Variants in ST7 observed in about 807,000 individuals in gnomAD.
The protein encoded by ST7 is suppression of tumorigenicity 7.
A neutral mutation model predicts 78.7 loss-of-function variants in ST7; 28 were observed. That is an observed-to-expected ratio of 0.36 (90% CI 0.26 to 0.49). ST7 has a LOEUF of 0.49. ST7 is among the 20% of genes least tolerant of loss of function. ST7 has a pLI of 0.99. For missense variants in ST7, 418 were observed against 696.0 expected (o/e 0.60, Z 4.49); for synonymous variants, 247 against 249.6 (o/e 0.99, Z 0.10).
chr7:117,215,913 A>G lies in ST7; in HGVS notation c.1406-3171A>G, dbSNP rs146616441. Among the ~76,000 whole-genome samples the G allele has an allele frequency of 3.3e-5, 5 of 152,270 alleles. No individual in the cohort carries two copies. In the East Asian group the frequency reaches 7.7e-4, roughly 23 times the overall value. Reference sequence around the variant, plus strand: ...GGATTCAAACTCGGTTCCCTCTGTTACAAATAATCTGTATAAAATTATCTA... The same window carrying G: ...GGATTCAAACTCGGTTCCCTCTGTTGCAAATAATCTGTATAAAATTATCTA... On this transcript the variant is annotated intron_variant, in intron 13 of 15. Transcript: ENST00000323984.
At chr7:116,996,821 T>A (rs561320321) in intron 1 of ST7, among the ~76,000 whole-genome samples, 7 of 152,366 alleles carry the variant, frequency 4.6e-5, no homozygotes, top group African/African-American at 1.7e-4. Context: ...ATATAGCTGA[T>A]GTTTTTCAAA....
chr7:117,179,575 A>C (rs1029093693), intron 10 of ST7, among the ~76,000 whole-genome samples: 1 of 152,214 alleles, frequency 6.6e-6, no homozygotes, highest in Admixed American at 6.5e-5. Flanking sequence ...CAAGGAAAGC[A>C]TATGGAAATG....
intron 1 of ST7, among the ~76,000 whole-genome samples, chr7:117,087,565 T>C (rs928657926): frequency 6.6e-6 from 1 of 152,256 alleles, no homozygotes; most frequent in Admixed American, 6.5e-5. Flanking sequence ...AAAAAAGATA[T>C]GAGTTTTATT....
chr7:116,967,408 C>G (rs1347929034), intron 1 of ST7: 1 of 471,114 alleles, frequency 2.1e-6, no homozygotes, highest in African/African-American at 2.0e-5. Flanking sequence ...CTTACCAGTT[C>G]CTATTGTGGA....
chr7:117,192,278 G>C (rs544741640), intron 12 of ST7, among the ~76,000 whole-genome samples: 206 of 152,246 alleles, frequency 1.4e-3, no homozygotes, highest in African/African-American at 4.5e-3. Flanking sequence ...TCTCTACAGA[G>C]CTATTCAGTA....
At chr7:117,097,908 A>ATATATTTTTTTTTT in intron 1 of ST7, among the ~76,000 whole-genome samples, 2 of 30,020 alleles carry the variant, frequency 6.7e-5, no homozygotes, top group African/African-American at 1.6e-4. Flanking sequence ...ATATATATAT[A>ATATATTTTTTTTTT]TTTTTTTTTT....
chr7:117,094,504 C>T (rs1349547565), intron 1 of ST7, among the ~76,000 whole-genome samples: 1 of 152,248 alleles, frequency 6.6e-6, no homozygotes, highest in Non-Finnish European at 1.5e-5. Context: ...TTGCTTCTCT[C>T]ACCCATTGGA....
intron 9 of ST7, among the ~76,000 whole-genome samples, chr7:117,154,598 G>A (rs191987064): frequency 1.2e-4 from 19 of 152,302 alleles, no homozygotes; most frequent in Admixed American, 1.2e-3. Flanking sequence ...GAAAGGAGGT[G>A]AGTTAAGAGT....
intron 9 of ST7, 150 bp downstream of exon 9, chr7:117,138,682 GATGA>G (rs899890470): frequency 3.6e-5 from 19 of 533,204 alleles, no homozygotes; most frequent in Non-Finnish European, 5.8e-5. Flanking sequence ...CAATTTACTA[GATGA>G]ATGATGTATG....
intron 9 of ST7, among the ~76,000 whole-genome samples, chr7:117,147,575 T>G (rs1805905276): frequency 6.6e-6 from 1 of 152,072 alleles, no homozygotes; most frequent in Non-Finnish European, 1.5e-5. Context: ...TCATTTTGTA[T>G]TTTATTTGGC....
intron 12 of ST7, among the ~76,000 whole-genome samples, chr7:117,197,384 A>G (rs1810416873): frequency 1.3e-5 from 2 of 152,192 alleles, no homozygotes; most frequent in South Asian, 2.1e-4. Flanking sequence ...AACTTCTATA[A>G]TGAACCTCTT....
At chr7:117,050,696 C>T (rs925879006) in intron 1 of ST7, among the ~76,000 whole-genome samples, 6 of 152,018 alleles carry the variant, frequency 3.9e-5, no homozygotes, top group African/African-American at 9.7e-5. Flanking sequence ...TTAAGGAGGC[C>T]GAGGCGAGTG....
At chr7:117,049,944 C>T (rs374535173) in intron 1 of ST7, among the ~76,000 whole-genome samples, 3 of 151,556 alleles carry the variant, frequency 2.0e-5, no homozygotes, top group African/African-American at 4.9e-5. Context: ...GGTGGCTCAA[C>T]GCCTGTAATC....
At chr7:117,129,872 A>G (rs776369171) in intron 4 of ST7, 25 bp downstream of exon 4, 2 of 1,598,236 alleles carry the variant, frequency 1.3e-6, no homozygotes, top group South Asian at 2.2e-5. Context: ...AGCTTGGGAA[A>G]CAAATGGGTC....
chr7:117,226,493 T>C (rs908608755), intron 15 of ST7, among the ~76,000 whole-genome samples: 18 of 152,346 alleles, frequency 1.2e-4, no homozygotes, highest in Admixed American at 6.5e-4. Flanking sequence ...TGAAAACTGC[T>C]GTTTCTCCTT....
chr7:117,128,510 A>G (rs1804061012), intron 3 of ST7, among the ~76,000 whole-genome samples: 1 of 151,904 alleles, frequency 6.6e-6, no homozygotes, highest in Non-Finnish European at 1.5e-5. Context: ...CAAAAAATTT[A>G]GGGCCATTAT....
chr7:117,169,467 G>A (rs1263364942), intron 9 of ST7, among the ~76,000 whole-genome samples: 1 of 152,018 alleles, frequency 6.6e-6, no homozygotes, highest in Non-Finnish European at 1.5e-5. Context: ...TAAAAACTTT[G>A]CTCTGAAATT....
At chr7:117,064,561 T>G (rs1241093184) in intron 1 of ST7, among the ~76,000 whole-genome samples, 1 of 152,156 alleles carries the variant, frequency 6.6e-6, no homozygotes, top group Non-Finnish European at 1.5e-5. Flanking sequence ...TGACTGTAAT[T>G]TATTTACTTC....
intron 13 of ST7, among the ~76,000 whole-genome samples, chr7:117,214,910 TTGTGTGTGTGTGTGTGTGTGTG>T (rs147915016): frequency 0.058 from 8,333 of 143,238 alleles, 735 homozygotes; most frequent in African/African-American, 0.19. Context: ...GGAAGAACAT[TTGTGTGTGTGTGTGTGTGTGTG>T]TGTGTGTGTG....
Sources: allele counts gnomAD v4.1 joint callset (sites outside exome capture counted in the v4.1 genomes callset), GRCh38; gene constraint gnomAD v4.1.1; transcripts MANE v1.5; gene names NCBI Gene and HGNC (gene_info 2026-07-23, HGNC 2026-07-21).